Variants in IL1RAP observed in about 807,000 individuals in gnomAD.
IL1RAP encodes the protein interleukin-1 receptor accessory protein.
IL1RAP carries 35 observed loss-of-function variants against 60.7 expected under a neutral mutation model. The ratio of observed to expected loss-of-function variants is 0.58; its 90% CI spans 0.44 to 0.76. The LOEUF (loss-of-function observed/expected upper bound fraction) is 0.76. Ranked by LOEUF, IL1RAP falls within the 30% of genes least tolerant of loss-of-function variation. IL1RAP has a pLI of 0.00. For synonymous variants in IL1RAP, 268 were observed against 250.9 expected (o/e 1.07, Z -0.64); for missense variants, 572 against 693.9 (o/e 0.82, Z 1.97).
At chr3:190,644,487 TGAAAAACCTA>T in intron 10 of IL1RAP, 90 bp downstream of exon 10, 1 of 1,025,820 alleles carries the variant, frequency 9.7e-7, no homozygotes, top group South Asian at 1.4e-5. Flanking sequence ...CATGTTGATT[TGAAAAACCTA>T]GATTAACTGG....
At chr3:190,574,991 G>T (rs1375546889) in intron 3 of IL1RAP, among the ~76,000 whole-genome samples, 1 of 138,718 alleles carries the variant, frequency 7.2e-6, no homozygotes, top group African/African-American at 2.9e-5. Context: ...CTAGGGAAAT[G>T]AGTTTTTTTT....
chr3:190,600,081 T>C (rs1357424821), intron 3 of IL1RAP, among the ~76,000 whole-genome samples: 1 of 152,142 alleles, frequency 6.6e-6, no homozygotes, highest in Non-Finnish European at 1.5e-5. Flanking sequence ...TCTCAGATGA[T>C]CTGCTCAGAT....
rs1730619725 is a variant in IL1RAP, at chr3:190,609,234, A to G, written c.537+53A>G. 4 of 1,239,306 alleles carry G rather than the reference A, an allele frequency of 3.2e-6. No homozygotes were observed. The Admixed American group carries it at 6.8e-5, about 21-fold the overall frequency. The allele number at this position is 1,239,306 out of a possible 1,614,324, so 76.8% of individuals were successfully genotyped here. A position where few individuals can be genotyped will look rare whatever the true frequency, so the allele number is the denominator to read the frequency against. ...CTCTCTAATGGCTTATAAAATGATA[A>G]TGCTTATTTGCTGAGTTATATTTAT... On this transcript the variant is annotated intron_variant, in intron 5 of 11. Transcript: ENST00000447382.
At chr3:190,657,418 A>C (rs1041234985) in exon 12 of IL1RAP, 1 of 152,264 alleles carries the variant, frequency 6.6e-6, no homozygotes, top group Non-Finnish European at 1.5e-5. Context: ...ATGGAAGTTT[A>C]CAACAATCTC....
downstream of IL1RAP, among the ~76,000 whole-genome samples, chr3:190,654,649 C>T (rs1016314528): frequency 2.6e-5 from 4 of 152,114 alleles, no homozygotes; most frequent in South Asian, 2.1e-4. Flanking sequence ...TCCCTTATTC[C>T]CTGTCAAGTT....
At chr3:190,591,910 C>T (rs1485210099) in intron 3 of IL1RAP, among the ~76,000 whole-genome samples, 3 of 151,732 alleles carry the variant, frequency 2.0e-5, no homozygotes, top group African/African-American at 7.3e-5. Flanking sequence ...AACAGCCCTG[C>T]AAAAAAAATC....
intron 5 of IL1RAP, among the ~76,000 whole-genome samples, chr3:190,618,311 T>C (rs1292438558): frequency 2.0e-5 from 3 of 152,192 alleles, no homozygotes; most frequent in Non-Finnish European, 4.4e-5. Context: ...CATTACAAAC[T>C]TTACATGTTT....
chr3:190,572,377 C>T (rs1359576967), intron 3 of IL1RAP, among the ~76,000 whole-genome samples: 2 of 151,432 alleles, frequency 1.3e-5, no homozygotes, highest in Non-Finnish European at 2.9e-5. Context: ...CTGGTGTCCA[C>T]TCAAGGTAAA....
chr3:190,636,349 C>T lies in IL1RAP; in HGVS notation c.1051+6851C>T, dbSNP rs146648142. 3.3e-5 allele frequency among the ~76,000 whole-genome samples: 5 copies of T among 152,172 alleles called. No individual in the cohort carries two copies. The East Asian group carries it at 9.7e-4, about 29-fold the overall frequency. ...ATAATATGGATTTTTCCAATTCTCTCTTCAGTTCTGCCAGTATTTGTCTCA... is the reference window on the plus strand; with the variant it reads ...ATAATATGGATTTTTCCAATTCTCTTTTCAGTTCTGCCAGTATTTGTCTCA... On this transcript the variant is annotated intron_variant, in intron 9 of 11. Coordinates refer to ENST00000447382, the MANE Select transcript of IL1RAP (RefSeq NM_002182.4).
intron 10 of IL1RAP, 149 bp downstream of exon 10, chr3:190,644,546 A>G (rs1395604920): frequency 1.1e-5 from 7 of 646,802 alleles, no homozygotes; most frequent in Non-Finnish European, 1.8e-5. Context: ...AACCGTTGCT[A>G]TTAGAAATCT....
intron 1 of IL1RAP, among the ~76,000 whole-genome samples, chr3:190,541,406 A>T (rs1404658888): frequency 1.3e-5 from 2 of 152,166 alleles, no homozygotes; most frequent in Non-Finnish European, 2.9e-5. Flanking sequence ...CCTTATTTTC[A>T]ACAAGAATTA....
chr3:190,644,364 C>G lies in IL1RAP; in HGVS notation c.1168C>G (p.Arg390Gly). ...VYWLEMVLFY[R>G]AHFGTDETIL... ...CTGGCTAGAGATGGTCCTATTTTACCGGGCTCATTTTGGAACAGATGAAAC... is the reference window on the plus strand; with the variant it reads ...CTGGCTAGAGATGGTCCTATTTTACGGGGCTCATTTTGGAACAGATGAAAC... The change falls in exon 10 of 12, where the codon CGG (arginine) becomes GGG (glycine). Residue 390 changes from arginine (R) to glycine (G), a missense_variant. Transcript: ENST00000447382. The G allele has an allele frequency of 2.5e-6, 4 of 1,613,762 alleles. No homozygotes were observed. Among genetic ancestry groups the G allele is most frequent in the Non-Finnish European group, 3.4e-6 (4 of 1,179,850 alleles).
chr3:190,650,689 AGGTC>A lies in IL1RAP; in HGVS notation c.*1985_*1988del. 1.0e-6 allele frequency: 1 copy of A among 959,348 alleles called. No individual in the cohort carries two copies. The highest frequency in any genetic ancestry group is 1.2e-6 in the Non-Finnish European group (1 of 806,258). 59.4% of individuals were successfully genotyped at this position (959,348 alleles called of 1,614,324 possible). On this transcript the variant is annotated 3_prime_UTR_variant, in exon 12 of 12. Transcript: ENST00000447382. ...ACTTGGATGAAAAAAGTAGAAAAGT[AGGTC>A]ATTCTTGGATCTACTTTTTTTTAGC...
chr3:190,604,421 G>C lies in IL1RAP; in HGVS notation c.350+8G>C, dbSNP rs1390749134. 1.9e-6 allele frequency: 3 copies of C among 1,609,622 alleles called. No homozygotes were observed. Among genetic ancestry groups the C allele is most frequent in the South Asian group, 1.1e-5 (1 of 90,904 alleles). On this transcript the variant is annotated splice_region_variant and intron_variant, in intron 4 of 11. Coordinates refer to ENST00000447382, the MANE Select transcript of IL1RAP (RefSeq NM_002182.4). ...CTATACCTGCATGTTAAGGTAGCCT[G>C]ATTCTTGGCAGTGGCTTTCTCTTTT... is the stretch of plus-strand genomic sequence containing the variant.
chr3:190,651,092 A>G lies in IL1RAP; in HGVS notation c.*2387A>G. 2 of 985,170 alleles carry G rather than the reference A, an allele frequency of 2.0e-6. No individual in the cohort carries two copies. Among genetic ancestry groups the G allele is most frequent in the Non-Finnish European group, 2.4e-6 (2 of 829,682 alleles). The allele number at this position is 985,170 out of a possible 1,614,324, so 61.0% of individuals were successfully genotyped here. A position where few individuals can be genotyped will look rare whatever the true frequency, so the allele number is the denominator to read the frequency against. ...CAAGATTTTTTTTTAATGTTCCAGA[A>G]GATGGCCAATAGAGAACATTCAAGG... On this transcript the variant is annotated 3_prime_UTR_variant, in exon 12 of 12. Coordinates refer to ENST00000447382, the MANE Select transcript of IL1RAP (RefSeq NM_002182.4).
intron 1 of IL1RAP, among the ~76,000 whole-genome samples, chr3:190,526,972 A>T (rs1021805372): frequency 2.6e-5 from 4 of 152,252 alleles, no homozygotes; most frequent in Non-Finnish European, 5.9e-5. Flanking sequence ...GGAGAACAGC[A>T]TGAGAGCAAA....
At chr3:190,526,542 A>G (rs955765751) in intron 1 of IL1RAP, among the ~76,000 whole-genome samples, 1 of 152,220 alleles carries the variant, frequency 6.6e-6, no homozygotes, top group African/African-American at 2.4e-5. Context: ...GACTGAGGCA[A>G]CCTAGGTAGC....
At chr3:190,613,466 A>G (rs1730996721) in intron 5 of IL1RAP, among the ~76,000 whole-genome samples, 2 of 152,198 alleles carry the variant, frequency 1.3e-5, no homozygotes, top group Admixed American at 1.3e-4. Flanking sequence ...GAAGCACTTA[A>G]GAAGACTAAA....
downstream of IL1RAP, among the ~76,000 whole-genome samples, chr3:190,651,870 A>G (rs1734417524): frequency 6.6e-6 from 1 of 152,164 alleles, no homozygotes; most frequent in African/African-American, 2.4e-5. Flanking sequence ...GACAGAGAAA[A>G]AGGAGAGAAA....
Sources: allele counts gnomAD v4.1 joint callset (sites outside exome capture counted in the v4.1 genomes callset), GRCh38; gene constraint gnomAD v4.1.1; transcripts MANE v1.5; gene names NCBI Gene and HGNC (gene_info 2026-07-23, HGNC 2026-07-21).